The following SPIDR variants were observed in gnomAD, a reference collection of about 807,000 sequenced individuals.
SPIDR encodes the protein scaffold protein involved in DNA repair.
SPIDR carries 93 observed loss-of-function variants against 104.6 expected under a neutral mutation model. That is an observed-to-expected ratio of 0.89 (90% CI 0.75 to 1.06). SPIDR has a LOEUF of 1.06. Among genes scored for constraint, SPIDR ranks in the 50% least tolerant of loss-of-function variants. The probability of loss-of-function intolerance (pLI) is 0.00; values close to 1 mark genes in which losing one functional copy is unlikely to be tolerated. For missense variants in SPIDR, 1,154 were observed against 1,111.2 expected (o/e 1.04, Z -0.55); for synonymous variants, 431 against 416.9 (o/e 1.03, Z -0.41).
chr8:47,301,125 G>T (rs1442910602), intron 5 of SPIDR, among the ~76,000 whole-genome samples: 1 of 152,120 alleles, frequency 6.6e-6, no homozygotes, highest in Non-Finnish European at 1.5e-5. Flanking sequence ...ATGAATCTGG[G>T]TGCTCCCGTA....
chr8:47,469,037 GAACA>G (rs1438126798), intron 8 of SPIDR, among the ~76,000 whole-genome samples: 1 of 152,080 alleles, frequency 6.6e-6, no homozygotes, highest in Non-Finnish European at 1.5e-5. Context: ...CAAATGACAT[GAACA>G]GACACTTTTC....
chr8:47,401,922 C>G (rs1312637502), intron 6 of SPIDR, among the ~76,000 whole-genome samples: 1 of 152,182 alleles, frequency 6.6e-6, no homozygotes, highest in African/African-American at 2.4e-5. Flanking sequence ...TTAGACAGAT[C>G]AATGAGACAG....
chr8:47,454,160 A>G (rs551915825), intron 8 of SPIDR, among the ~76,000 whole-genome samples: 2 of 152,344 alleles, frequency 1.3e-5, no homozygotes, highest in African/African-American at 2.4e-5. Flanking sequence ...TCATGCTGCT[A>G]TAAAGACACA....
At position 47,370,934 on chromosome 8, in the gene SPIDR, G is replaced by T. The variant is rs929288006; in HGVS notation, c.526-25442G>T. ...AAACCCTGTTGAGATAGTTGTCTAG[G>T]TTTGCTGTCTCTAGTGTCTCCTCTC... On this transcript the variant is annotated intron_variant, in intron 5 of 19. Transcript: ENST00000297423. 2.0e-5 allele frequency among the ~76,000 whole-genome samples: 3 copies of T among 151,928 alleles called. No homozygotes were observed. In the South Asian group the frequency reaches 6.2e-4, roughly 32 times the overall value.
At chr8:47,714,341 CAGT>C (rs943390218) in intron 16 of SPIDR, among the ~76,000 whole-genome samples, 9 of 152,250 alleles carry the variant, frequency 5.9e-5, no homozygotes, top group African/African-American at 2.2e-4. Context: ...GTTGAGGTAA[CAGT>C]GGTGCTGTTC....
intron 8 of SPIDR, among the ~76,000 whole-genome samples, chr8:47,566,068 A>C: frequency 7.8e-6 from 1 of 127,964 alleles, no homozygotes; most frequent in Non-Finnish European, 1.6e-5. Flanking sequence ...GTGCAGTGGC[A>C]CAATCTTGGC....
intron 8 of SPIDR, among the ~76,000 whole-genome samples, chr8:47,455,668 G>A (rs929587579): frequency 3.9e-5 from 6 of 152,060 alleles, no homozygotes; most frequent in South Asian, 2.1e-4. Context: ...GGTTGATAGC[G>A]AAAGAATGAA....
At chr8:47,385,673 A>C (rs2059814194) in intron 5 of SPIDR, among the ~76,000 whole-genome samples, 2 of 152,202 alleles carry the variant, frequency 1.3e-5, no homozygotes, top group African/African-American at 4.8e-5. Flanking sequence ...GTTTCCTTGG[A>C]ATGCCTTTTT....
rs530406135 is a variant in SPIDR, at chr8:47,581,308, C to T, written c.1098-14503C>T. On this transcript the variant is annotated intron_variant, in intron 8 of 19. Transcript: ENST00000297423. The stretch of plus-strand genomic sequence containing the variant: ...ATCTAGTGAAAAACCCAGTCATTTT[C>T]ATTTTCAAAGTGATTTTAACTCATA... Among the ~76,000 whole-genome samples, 15 of 152,148 alleles carry T rather than the reference C, an allele frequency of 9.9e-5. No individual in the cohort carries two copies. In the East Asian group the frequency reaches 2.7e-3, roughly 27 times the overall value.
intron 5 of SPIDR, among the ~76,000 whole-genome samples, chr8:47,318,106 C>T (rs201242472): frequency 4.6e-5 from 7 of 151,890 alleles, no homozygotes; most frequent in South Asian, 2.1e-4. Flanking sequence ...GTGACTTTGA[C>T]GAGTTGAGAG....
chr8:47,553,976 A>G (rs1310577125), intron 8 of SPIDR, among the ~76,000 whole-genome samples: 1 of 152,090 alleles, frequency 6.6e-6, no homozygotes, highest in African/African-American at 2.4e-5. Flanking sequence ...AACAATCAGG[A>G]CCCTCAGCTG....
chr8:47,582,827 T>C (rs1415531148), intron 8 of SPIDR, among the ~76,000 whole-genome samples: 3 of 130,184 alleles, frequency 2.3e-5, no homozygotes, highest in Non-Finnish European at 1.7e-5. Context: ...AACAACAAAT[T>C]ACACACACAC....
At chr8:47,522,471 G>C (rs552584485) in intron 8 of SPIDR, among the ~76,000 whole-genome samples, 1 of 152,226 alleles carries the variant, frequency 6.6e-6, no homozygotes, top group Admixed American at 6.5e-5. Context: ...TGAAGGATCC[G>C]AGCCAGTGTG....
At chr8:47,429,281 A>G (rs1364366317) in intron 7 of SPIDR, among the ~76,000 whole-genome samples, 1 of 152,156 alleles carries the variant, frequency 6.6e-6, no homozygotes, top group African/African-American at 2.4e-5. Context: ...CATACCTGTA[A>G]ACTCTTTTGT....
chr8:47,599,478 T>G (rs1301618700), intron 10 of SPIDR, among the ~76,000 whole-genome samples: 1 of 152,208 alleles, frequency 6.6e-6, no homozygotes, highest in Non-Finnish European at 1.5e-5. Context: ...GAAATATTGG[T>G]ATTATTCTGG....
chr8:47,286,097 A>G (rs1329444255), intron 3 of SPIDR, among the ~76,000 whole-genome samples: 3 of 152,340 alleles, frequency 2.0e-5, no homozygotes, highest in East Asian at 1.9e-4. Context: ...TTTGAATGAC[A>G]TAACTAATGA....
intron 8 of SPIDR, among the ~76,000 whole-genome samples, chr8:47,508,503 C>T (rs1356501924): frequency 6.6e-6 from 1 of 152,196 alleles, no homozygotes; most frequent in Non-Finnish European, 1.5e-5. Context: ...GAGTCACCAC[C>T]CTGAACCTTT....
At chr8:47,729,673 A>G in intron 19 of SPIDR, 1 of 575,296 alleles carries the variant, frequency 1.7e-6, no homozygotes, top group South Asian at 2.4e-5. Flanking sequence ...GTTATTTTAG[A>G]TCATTGTTGA....
At chr8:47,324,096 A>G (rs529192356) in intron 5 of SPIDR, among the ~76,000 whole-genome samples, 1 of 152,294 alleles carries the variant, frequency 6.6e-6, no homozygotes, top group African/African-American at 2.4e-5. Context: ...TATTCTGTAA[A>G]TCATAATAAA....
Sources: allele counts gnomAD v4.1 joint callset (sites outside exome capture counted in the v4.1 genomes callset), GRCh38; gene constraint gnomAD v4.1.1; transcripts MANE v1.5; gene names NCBI Gene and HGNC (gene_info 2026-07-23, HGNC 2026-07-21).